PRELID2: variants seen among roughly 807,000 people sequenced by gnomAD.
PRELID2 encodes PRELI domain-containing protein 2.
A neutral mutation model predicts 28.4 loss-of-function variants in PRELID2; 25 were observed. The ratio of observed to expected loss-of-function variants is 0.88; its 90% CI spans 0.64 to 1.23. The LOEUF (loss-of-function observed/expected upper bound fraction) is 1.23, where lower values mean the gene tolerates loss of function less well. Among genes scored for constraint, PRELID2 ranks in the 50% most tolerant of loss-of-function variants. The probability of loss-of-function intolerance (pLI) is 0.00; values close to 1 mark genes in which losing one functional copy is unlikely to be tolerated. For missense variants in PRELID2, 201 were observed against 214.4 expected (o/e 0.94, Z 0.39); for synonymous variants, 76 against 71.6 (o/e 1.06, Z -0.31).
the PRELID2 span, among the ~76,000 whole-genome samples, chr5:145,270,199 G>A: frequency 9.9e-5 from 15 of 151,862 alleles, no homozygotes; most frequent in Non-Finnish European, 1.5e-4. Flanking sequence ...TCTTTAAAAA[G>A]TAAACATGTA....
At chr5:145,655,146 A>C (rs1445028910) in intron 1 of PRELID2, among the ~76,000 whole-genome samples, 2 of 151,812 alleles carry the variant, frequency 1.3e-5, no homozygotes, top group Non-Finnish European at 1.5e-5. Flanking sequence ...ACTCCCATTC[A>C]CAATTGCTTC....
chr5:145,334,885 T>C, the PRELID2 span, among the ~76,000 whole-genome samples: 1 of 152,082 alleles, frequency 6.6e-6, no homozygotes, highest in African/African-American at 2.4e-5. Context: ...TGTGTCAAGT[T>C]GCTTTACTCT....
At chr5:145,315,064 CTTTTTTTTTTTT>C in the PRELID2 span, among the ~76,000 whole-genome samples, 1 of 100,590 alleles carries the variant, frequency 9.9e-6, no homozygotes, top group South Asian at 3.2e-4. Flanking sequence ...TACAATAATT[CTTTTTTTTTTTT>C]TTTTTTTTTT....
intron 1 of PRELID2, among the ~76,000 whole-genome samples, chr5:145,747,452 T>A (rs1231478562): frequency 6.6e-6 from 1 of 152,070 alleles, no homozygotes; most frequent in Non-Finnish European, 1.5e-5. Context: ...CCTGGACACA[T>A]ATGCCCTCCC....
intron 1 of PRELID2, among the ~76,000 whole-genome samples, chr5:145,492,651 G>A (rs1317550610): frequency 1.4e-5 from 2 of 141,386 alleles, no homozygotes; most frequent in African/African-American, 5.0e-5. Context: ...ACAGTTTTGA[G>A]TCTTACATTT....
intron 5 of PRELID2, among the ~76,000 whole-genome samples, chr5:145,765,464 C>G (rs1202685028): frequency 6.6e-6 from 1 of 152,172 alleles, no homozygotes; most frequent in African/African-American, 2.4e-5. Flanking sequence ...TCCACCAAGA[C>G]TGTAGGCTGC....
At chr5:145,295,219 CA>C in the PRELID2 span, among the ~76,000 whole-genome samples, 1 of 151,814 alleles carries the variant, frequency 6.6e-6, no homozygotes, top group Non-Finnish European at 1.5e-5. Flanking sequence ...CATAGCCCTG[CA>C]AAAAAATTGA....
intron 1 of PRELID2, among the ~76,000 whole-genome samples, chr5:145,627,494 T>C (rs993153212): frequency 3.9e-5 from 6 of 152,088 alleles, no homozygotes; most frequent in Non-Finnish European, 7.4e-5. Flanking sequence ...TCCATAAAAA[T>C]TTAAAATAAA....
chr5:145,675,392 T>C (rs1255208889), intron 1 of PRELID2, among the ~76,000 whole-genome samples: 3 of 152,302 alleles, frequency 2.0e-5, no homozygotes, highest in Admixed American at 2.0e-4. Flanking sequence ...TCCACTCTTT[T>C]GGCAAGGTTG....
At chr5:145,536,951 G>T (rs1752703949) in intron 1 of PRELID2, among the ~76,000 whole-genome samples, 3 of 151,710 alleles carry the variant, frequency 2.0e-5, no homozygotes, top group Admixed American at 2.0e-4. Context: ...GTGGAAGAGA[G>T]AATTTTAAAA....
At chr5:145,697,080 T>A (rs113794182) in intron 1 of PRELID2, among the ~76,000 whole-genome samples, 1 of 85,946 alleles carries the variant, frequency 1.2e-5, no homozygotes, top group Non-Finnish European at 2.2e-5. Flanking sequence ...TATATATATA[T>A]ACACACACAC....
chr5:145,539,664 A>G (rs1752730523), intron 1 of PRELID2, among the ~76,000 whole-genome samples: 2 of 151,934 alleles, frequency 1.3e-5, no homozygotes, highest in African/African-American at 2.4e-5. Context: ...TTGAATCATA[A>G]TTGTATTTCC....
the PRELID2 span, among the ~76,000 whole-genome samples, chr5:145,449,606 A>T: frequency 2.6e-5 from 4 of 152,112 alleles, no homozygotes; most frequent in Non-Finnish European, 5.9e-5. Flanking sequence ...GTTCCCATTT[A>T]GGACCACAGG....
the PRELID2 span, among the ~76,000 whole-genome samples, chr5:145,297,156 G>A: frequency 3.9e-5 from 6 of 152,134 alleles, no homozygotes; most frequent in African/African-American, 1.4e-4. Context: ...TGTTCACTCT[G>A]ATGGTAGTTT....
At chr5:145,320,450 T>G in the PRELID2 span, among the ~76,000 whole-genome samples, 2 of 152,156 alleles carry the variant, frequency 1.3e-5, no homozygotes, top group South Asian at 4.1e-4. Flanking sequence ...TTTTGTATTT[T>G]TTTTAGTAGA....
the PRELID2 span, among the ~76,000 whole-genome samples, chr5:145,269,571 G>A: frequency 6.6e-6 from 1 of 151,774 alleles, no homozygotes; most frequent in Admixed American, 6.6e-5. Context: ...TTGTGCCCTT[G>A]AGGTGGGCAA....
At chr5:145,443,554 T>C in the PRELID2 span, among the ~76,000 whole-genome samples, 1 of 152,052 alleles carries the variant, frequency 6.6e-6, no homozygotes, top group Non-Finnish European at 1.5e-5. Flanking sequence ...ATTCTAAAAA[T>C]GAAGCCTAGG....
At position 145,758,675 on chromosome 5, in the gene PRELID2, T is replaced by G. The variant is rs566837893; in HGVS notation, c.*1861A>C. Among the ~76,000 whole-genome samples the G allele has an allele frequency of 4.1e-4, 62 of 152,272 alleles. No homozygotes were observed. The highest frequency in any genetic ancestry group is 1.4e-3 in the African/African-American group (58 of 41,574). ...CCACAATAATTTGCATCACCTTTTA[T>G]TTTTTGAAATAGGCTATTACTCCAA... On this transcript the variant is annotated 3_prime_UTR_variant, in exon 7 of 7. Coordinates refer to ENST00000683046, the MANE Select transcript of PRELID2 (RefSeq NM_205846.3).
chr5:145,374,097 G>A, the PRELID2 span, among the ~76,000 whole-genome samples: 1 of 151,172 alleles, frequency 6.6e-6, no homozygotes, highest in African/African-American at 2.4e-5. Context: ...TTATATTTTG[G>A]TGTGTTTTTG....
Sources: gnomAD v4.1 joint callset for allele counts (sites outside exome capture counted in the v4.1 genomes callset) on GRCh38, gnomAD v4.1.1 for gene constraint, MANE v1.5 for transcripts, NCBI Gene and HGNC (gene_info 2026-07-23, HGNC 2026-07-21) for gene names.